Variants in TSPAN18 observed in about 807,000 individuals in gnomAD.
TSPAN18 encodes the protein tetraspanin-18.
In TSPAN18, 14 loss-of-function variants were observed where a neutral mutation model predicts 27.3. The observed-to-expected ratio is 0.51, with a 90% CI of 0.34 to 0.80. TSPAN18 has a LOEUF of 0.80. Among genes scored for constraint, TSPAN18 ranks in the 30% least tolerant of loss-of-function variants. TSPAN18 has a pLI of 0.01. For synonymous variants in TSPAN18, 143 were observed against 136.5 expected (o/e 1.05, Z -0.33); for missense variants, 268 against 323.9 (o/e 0.83, Z 1.32).
intron 3 of TSPAN18, among the ~76,000 whole-genome samples, chr11:44,863,345 C>T (rs1158319277): frequency 2.0e-5 from 3 of 152,238 alleles, no homozygotes; most frequent in Non-Finnish European, 4.4e-5. Flanking sequence ...TTCCCGCAGG[C>T]CTCCAGGCTT....
At chr11:44,865,273 A>C (rs958474031) in intron 3 of TSPAN18, among the ~76,000 whole-genome samples, 2 of 152,128 alleles carry the variant, frequency 1.3e-5, no homozygotes, top group Non-Finnish European at 2.9e-5. Context: ...GTCTCTCTCA[A>C]ATTCTCAACT....
At chr11:44,846,616 G>GTGTGTGTA (rs764263328) in intron 2 of TSPAN18, among the ~76,000 whole-genome samples, 1 of 152,122 alleles carries the variant, frequency 6.6e-6, no homozygotes, top group Admixed American at 6.5e-5. Context: ...TTGTGTGTGT[G>GTGTGTGTA]TCTATGTGTC....
chr11:44,899,270 A>T (rs967586698), intron 3 of TSPAN18, among the ~76,000 whole-genome samples: 1 of 152,262 alleles, frequency 6.6e-6, no homozygotes, highest in South Asian at 2.1e-4. Flanking sequence ...TCATACAGAC[A>T]TGGTGGCCAG....
intron 1 of TSPAN18, among the ~76,000 whole-genome samples, chr11:44,742,348 C>T (rs374084197): frequency 1.4e-5 from 2 of 146,556 alleles, no homozygotes; most frequent in Admixed American, 1.4e-4. Flanking sequence ...TTTCCTCCCT[C>T]CCTCCTTCCT....
chr11:44,909,871 T>G lies in TSPAN18; in HGVS notation c.230T>G (p.Val77Gly), dbSNP rs1859643151. Reference protein sequence around the residue: ...LLGFLGCCGAVRENKCLLLFF... With the variant: ...LLGFLGCCGAGRENKCLLLFF... The stretch of plus-strand genomic sequence containing the variant: ...GGCTTCCTGGGCTGCTGCGGGGCCG[T>G]CCGTGAGAACAAGTGTCTGCTGCTA... Residue 77 changes from valine (V) to glycine (G), a missense_variant, in exon 5 of 10, where the codon GTC becomes GGC. Transcript: ENST00000520358. 9 of 1,613,568 alleles carry G rather than the reference T, an allele frequency of 5.6e-6. No individual in the cohort carries two copies. Among genetic ancestry groups the G allele is most frequent in the Non-Finnish European group, 6.8e-6 (8 of 1,179,834 alleles).
At chr11:44,927,292 A>G (rs554053882) in intron 9 of TSPAN18, among the ~76,000 whole-genome samples, 1 of 152,306 alleles carries the variant, frequency 6.6e-6, no homozygotes, top group South Asian at 2.1e-4. Flanking sequence ...AGCCAAAGGG[A>G]GGAGCGGCCG....
chr11:44,776,441 C>A (rs1317335019), intron 2 of TSPAN18, among the ~76,000 whole-genome samples: 1 of 152,180 alleles, frequency 6.6e-6, no homozygotes, highest in Non-Finnish European at 1.5e-5. Flanking sequence ...GCACGATAAC[C>A]TTTCCCTACA....
At chr11:44,787,826 C>T (rs1298093412) in intron 2 of TSPAN18, among the ~76,000 whole-genome samples, 1 of 152,262 alleles carries the variant, frequency 6.6e-6, no homozygotes, top group African/African-American at 2.4e-5. Context: ...AGGGTGCTCT[C>T]TGGAGTTCTC....
chr11:44,757,599 G>T (rs188196239), intron 1 of TSPAN18, among the ~76,000 whole-genome samples: 1 of 152,048 alleles, frequency 6.6e-6, no homozygotes, highest in Non-Finnish European at 1.5e-5. Flanking sequence ...TGCCCAGGTG[G>T]GTCTTGGACT....
At chr11:44,834,829 A>G (rs1389942129) in intron 2 of TSPAN18, among the ~76,000 whole-genome samples, 1 of 152,220 alleles carries the variant, frequency 6.6e-6, no homozygotes, top group Admixed American at 6.5e-5. Flanking sequence ...GCATTTGTGA[A>G]CAGAAGATAT....
chr11:44,923,655 A>G (rs2135377367), intron 8 of TSPAN18, among the ~76,000 whole-genome samples: 1 of 152,262 alleles, frequency 6.6e-6, no homozygotes, highest in Non-Finnish European at 1.5e-5. Flanking sequence ...TGTGATCTTA[A>G]ACAAGTTAGC....
At chr11:44,923,681 C>T (rs1334359034) in intron 8 of TSPAN18, among the ~76,000 whole-genome samples, 1 of 152,174 alleles carries the variant, frequency 6.6e-6, no homozygotes, top group Non-Finnish European at 1.5e-5. Context: ...CTCCTCCCTC[C>T]CTTTTCTTGT....
intron 2 of TSPAN18, among the ~76,000 whole-genome samples, chr11:44,840,226 C>G (rs368071921): frequency 6.6e-5 from 10 of 152,128 alleles, no homozygotes; most frequent in Admixed American, 6.5e-4. Context: ...GACTGTTTGG[C>G]GAGGGCATGG....
rs375349718 is a variant in TSPAN18, at chr11:44,882,627, C to CACACACACACACACACACAG, written c.-11+22159_-11+22160insCACACACACACACACACAGA. Reference sequence around the variant, plus strand: ...ACACACACACACACACACACACACACAGAGAGAGAGCATGTGCGTGCATGT... The same window carrying CACACACACACACACACACAG: ...ACACACACACACACACACACACACACACACACACACACACACACAGAGAGAGAGAGCATGTGCGTGCATGT... On this transcript the variant is annotated intron_variant, in intron 3 of 9. Coordinates refer to ENST00000520358, the MANE Select transcript of TSPAN18 (RefSeq NM_130783.5). Among the ~76,000 whole-genome samples the CACACACACACACACACACAG allele has an allele frequency of 7.0e-4, 91 of 130,680 alleles. 1 individual carries two copies. Among genetic ancestry groups the CACACACACACACACACACAG allele is most frequent in the African/African-American group, 2.3e-3 (78 of 33,254 alleles). 85.7% of individuals were successfully genotyped at this position (130,680 alleles called of 152,430 possible).
intron 1 of TSPAN18, among the ~76,000 whole-genome samples, chr11:44,741,184 G>A (rs1465422336): frequency 3.3e-5 from 5 of 152,296 alleles, no homozygotes; most frequent in African/African-American, 1.2e-4. Context: ...TAAATTAAGA[G>A]CCAAAGAGGA....
intron 1 of TSPAN18, among the ~76,000 whole-genome samples, chr11:44,754,511 T>A (rs892178404): frequency 1.3e-5 from 2 of 152,248 alleles, no homozygotes; most frequent in African/African-American, 4.8e-5. Context: ...TCTCTGTTCT[T>A]CTTGAACCAT....
intron 3 of TSPAN18, among the ~76,000 whole-genome samples, chr11:44,872,712 T>C (rs1266977668): frequency 6.6e-6 from 1 of 152,248 alleles, no homozygotes; most frequent in African/African-American, 2.4e-5. Flanking sequence ...ATACTCTTAG[T>C]ATCCTTATTA....
chr11:44,852,454 A>G (rs1158710484), intron 2 of TSPAN18, among the ~76,000 whole-genome samples: 1 of 152,244 alleles, frequency 6.6e-6, no homozygotes, highest in Non-Finnish European at 1.5e-5. Flanking sequence ...CTCTGACTCC[A>G]GAACTCAGCC....
chr11:44,848,598 G>A (rs1468200781), intron 2 of TSPAN18, among the ~76,000 whole-genome samples: 1 of 152,208 alleles, frequency 6.6e-6, no homozygotes, highest in African/African-American at 2.4e-5. Context: ...GTGAGGAGGG[G>A]GCGGGGGAAG....
Sources: gnomAD v4.1 joint callset for allele counts (sites outside exome capture counted in the v4.1 genomes callset) on GRCh38, gnomAD v4.1.1 for gene constraint, MANE v1.5 for transcripts, NCBI Gene and HGNC (gene_info 2026-07-23, HGNC 2026-07-21) for gene names.